The following CAPN8 variants were observed in gnomAD, a reference collection of about 807,000 sequenced individuals.
CAPN8 encodes calpain-8.
CAPN8 carries 87 observed loss-of-function variants against 80.9 expected under a neutral mutation model. That is an observed-to-expected ratio of 1.07 (90% CI 0.90 to 1.28). The LOEUF (loss-of-function observed/expected upper bound fraction) is 1.28, where lower values mean the gene tolerates loss of function less well. CAPN8 is among the 50% of genes most tolerant of loss of function. The pLI is 0.00. For synonymous variants in CAPN8, 299 were observed against 273.8 expected, an observed-to-expected ratio of 1.09 and a Z score of -0.91; for missense variants, 757 against 702.0, an observed-to-expected ratio of 1.08 and a Z score of -0.89.
intron 2 of CAPN8, among the ~76,000 whole-genome samples, chr1:223,644,928 A>G (rs1658147025): frequency 6.6e-6 from 1 of 152,146 alleles, no homozygotes; most frequent in Non-Finnish European, 1.5e-5. Context: ...ACTAATAGAG[A>G]TGTATATATG....
chr1:223,618,327 C>T, intron 9 of CAPN8: 3 of 1,549,638 alleles, frequency 1.9e-6, no homozygotes, highest in Non-Finnish European at 2.6e-6. Context: ...AGGAAAGCTT[C>T]CCACCTTGCA....
intron 16 of CAPN8, among the ~76,000 whole-genome samples, chr1:223,545,875 G>A (rs573860746): frequency 6.3e-5 from 9 of 143,354 alleles, no homozygotes; most frequent in African/African-American, 2.4e-4. Flanking sequence ...CCAGGCTGGA[G>A]TACAGTGGTG....
At chr1:223,545,512 A>G (rs1656597940) in intron 16 of CAPN8, 2 of 709,676 alleles carry the variant, frequency 2.8e-6, no homozygotes, top group East Asian at 5.6e-5. Flanking sequence ...CCAGGCACAG[A>G]GCTAGGAACA....
chr1:223,623,966 C>T (rs1657480970), intron 6 of CAPN8, among the ~76,000 whole-genome samples: 1 of 149,088 alleles, frequency 6.7e-6, no homozygotes, highest in South Asian at 2.1e-4. Context: ...TGCCCCTGCA[C>T]TCCAGCCTGG....
At chr1:223,646,023 G>A (rs1384260758) in intron 2 of CAPN8, among the ~76,000 whole-genome samples, 1 of 152,168 alleles carries the variant, frequency 6.6e-6, no homozygotes, top group East Asian at 1.9e-4. Flanking sequence ...GAGCACTGTG[G>A]GGAAAATAGA....
intron 8 of CAPN8, 100 bp downstream of exon 8, chr1:223,620,092 A>G (rs1212710000): frequency 1.0e-6 from 1 of 965,102 alleles, no homozygotes; most frequent in African/African-American, 1.6e-5. Context: ...ATCAGGAACC[A>G]TGTCGCCTTC....
rs987400130 is a variant in CAPN8, at chr1:223,609,309, G to T, written c.1379C>A (p.Pro460His). Residue 460 changes from proline (P) to histidine (H), a missense_variant, in exon 12 of 21, where the codon CCC becomes CAC. Pro to His is a moderately conservative substitution (Grantham distance 77, BLOSUM62 -2). Coordinates refer to ENST00000366872, the MANE Select transcript of CAPN8 (RefSeq NM_001143962.2). ...LGRDFFLAYQ[P>H]SARTSTYVNL... The stretch of plus-strand genomic sequence containing the variant: ...GACGTAGGTGCTGGTGCGGGCTGAG[G>T]GCTGGTAGGCCAGGAAGAAATCCCG... 2.5e-5 allele frequency: 10 copies of T among 398,452 alleles called. No individual in the cohort carries two copies. In the East Asian group the frequency reaches 3.6e-4, roughly 14 times the overall value. 24.7% of individuals were successfully genotyped at this position (398,452 alleles called of 1,614,324 possible).
rs1354155858 is a variant in CAPN8 at position 223,665,419 on chromosome 1, C to T, written c.228G>A (p.Lys76=). ...GSPQTQGIIW[K]RPTELCPSPQ... is the part of the protein sequence containing the mutation. ...AAGCCCGCTTCCTTACCGTGGGCCG[C>T]TTCCAGATGATGCCTTGAGTTTGCG... The change falls in exon 1 of 21, where the codon AAG becomes AAA. Residue 76 remains lysine, a synonymous_variant. Transcript: ENST00000366872. 2 of 1,551,334 alleles carry T rather than the reference C, an allele frequency of 1.3e-6. No individual in the cohort carries two copies. The highest frequency in any genetic ancestry group is 2.4e-5 in the East Asian group (1 of 40,872).
intron 17 of CAPN8, 69 bp downstream of exon 17, chr1:223,545,162 T>C (rs1439371143): frequency 2.6e-6 from 4 of 1,550,250 alleles, no homozygotes; most frequent in East Asian, 4.9e-5. Flanking sequence ...CAGAATACAA[T>C]GGACCAGGAA....
intron 10 of CAPN8, among the ~76,000 whole-genome samples, chr1:223,615,515 T>A (rs1036239190): frequency 5.3e-5 from 8 of 152,304 alleles, no homozygotes; most frequent in African/African-American, 1.9e-4. Flanking sequence ...CCCCAGCTCA[T>A]GCCCTGTGTG....
chr1:223,653,391 G>C (rs1316879092), intron 2 of CAPN8, among the ~76,000 whole-genome samples: 1 of 151,854 alleles, frequency 6.6e-6, no homozygotes, highest in African/African-American at 2.4e-5. Context: ...TTTCCAGCAG[G>C]CTGAAGAGAA....
At chr1:223,629,063 G>A (rs1381781783) in intron 2 of CAPN8, 2 of 396,388 alleles carry the variant, frequency 5.0e-6, no homozygotes, top group Non-Finnish European at 4.6e-6. Flanking sequence ...CCAGTGGAGT[G>A]GAAAAGAAAA....
Position 223,545,295 on chromosome 1 carries a change from T to C in CAPN8, c.1769A>G (p.Asn590Ser), listed in dbSNP as rs1656591197. The C allele has an allele frequency of 6.4e-7, 1 of 1,551,626 alleles. No individual in the cohort carries two copies. Among genetic ancestry groups the C allele is most frequent in the Non-Finnish European group, 8.7e-7 (1 of 1,146,936 alleles). ...CACCGCCCCCAAAGTGCCCGTTCCATTGCTCTAGGCACATTAAAGACCAAC... is the reference window on the plus strand; with the variant it reads ...CACCGCCCCCAAAGTGCCCGTTCCACTGCTCTAGGCACATTAAAGACCAAC... ...CREMISLLDS[N>S]GTGTLGAVEF... is the part of the protein sequence containing the mutation. Residue 590 changes from asparagine to serine, a missense_variant, in exon 17 of 21, where the codon AAT (asparagine) becomes AGT (serine). Coordinates refer to ENST00000366872, the MANE Select transcript of CAPN8 (RefSeq NM_001143962.2).
chr1:223,551,161 T>C, intron 14 of CAPN8, 144 bp from the exon 15 acceptor site: 1 of 594,644 alleles, frequency 1.7e-6, no homozygotes, highest in South Asian at 2.0e-5. Flanking sequence ...TTGTTTTTTT[T>C]TGAGACAGTC....
chr1:223,555,129 C>G (rs1002015247), intron 13 of CAPN8, among the ~76,000 whole-genome samples: 1 of 152,250 alleles, frequency 6.6e-6, no homozygotes, highest in African/African-American at 2.4e-5. Flanking sequence ...TACTACCTGT[C>G]AGGTACTTTG....
At chr1:223,557,245 A>C (rs1486959127) in intron 13 of CAPN8, among the ~76,000 whole-genome samples, 1 of 12,572 alleles carries the variant, frequency 8.0e-5, no homozygotes, top group African/African-American at 2.5e-4. Context: ...ACACATGTCA[A>C]ATCACAGAAT....
intron 1 of CAPN8, among the ~76,000 whole-genome samples, chr1:223,654,695 A>C (rs527782143): frequency 6.6e-6 from 1 of 152,078 alleles, no homozygotes; most frequent in African/African-American, 2.4e-5. Flanking sequence ...TAAGTTTTTG[A>C]GACAGCGTCT....
At chr1:223,659,387 C>T (rs563207725) in intron 1 of CAPN8, among the ~76,000 whole-genome samples, 90 of 152,258 alleles carry the variant, frequency 5.9e-4, no homozygotes, top group African/African-American at 2.1e-3. Flanking sequence ...GTGATCTGGC[C>T]CCACTGGATG....
intron 2 of CAPN8, chr1:223,642,883 C>A (rs1319803845): frequency 2.2e-6 from 1 of 451,574 alleles, no homozygotes; most frequent in East Asian, 7.0e-5. Context: ...AGCTTCAGGA[C>A]TTTCTGCCTC....
Sources: allele counts gnomAD v4.1 joint callset (sites outside exome capture counted in the v4.1 genomes callset), GRCh38; gene constraint gnomAD v4.1.1; transcripts MANE v1.5; gene names NCBI Gene and HGNC (gene_info 2026-07-23, HGNC 2026-07-21).